The following CSGALNACT1 variants were observed in gnomAD, a reference collection of about 807,000 sequenced individuals.
CSGALNACT1 encodes the protein chondroitin sulfate N-acetylgalactosaminyltransferase 1.
CSGALNACT1 carries 52 observed loss-of-function variants against 51.0 expected under a neutral mutation model. The observed-to-expected ratio is 1.02, with a 90% CI of 0.82 to 1.29. The LOEUF is 1.29. CSGALNACT1 is among the 50% of genes most tolerant of loss of function. The pLI, the probability that CSGALNACT1 is intolerant of heterozygous loss-of-function variation, is 0.00. For synonymous variants in CSGALNACT1, 341 were observed against 254.4 expected, an observed-to-expected ratio of 1.34 and a Z score of -3.24; for missense variants, 935 against 679.2, an observed-to-expected ratio of 1.38 and a Z score of -4.19.
intron 1 of CSGALNACT1, among the ~76,000 whole-genome samples, chr8:19,714,383 C>T (rs1207937794): frequency 6.6e-6 from 1 of 151,804 alleles, no homozygotes; most frequent in Non-Finnish European, 1.5e-5. Flanking sequence ...CTGAGCCTCT[C>T]GGATCTGTAA....
chr8:19,555,788 A>C (rs1419724097), intron 3 of CSGALNACT1, among the ~76,000 whole-genome samples: 1 of 152,194 alleles, frequency 6.6e-6, no homozygotes, highest in South Asian at 2.1e-4. Flanking sequence ...CTGTGCCTAA[A>C]AATATAGCAT....
chr8:19,597,381 A>T (rs2049182553), intron 2 of CSGALNACT1, among the ~76,000 whole-genome samples: 2 of 136,582 alleles, frequency 1.5e-5, no homozygotes, highest in Non-Finnish European at 3.0e-5. Context: ...CTGCAGACTC[A>T]GTCTCCTGGG....
chr8:19,457,643 C>T (rs931133245), intron 5 of CSGALNACT1: 8 of 1,278,402 alleles, frequency 6.3e-6, no homozygotes, highest in Non-Finnish European at 8.2e-6. Flanking sequence ...TCAGCTTGAT[C>T]TTTCAAGATT....
intron 1 of CSGALNACT1, among the ~76,000 whole-genome samples, chr8:19,736,311 G>A (rs1466866620): frequency 6.6e-6 from 1 of 152,080 alleles, no homozygotes; most frequent in Non-Finnish European, 1.5e-5. Flanking sequence ...CGACAGACTT[G>A]AGTAGTTGTA....
intron 3 of CSGALNACT1, among the ~76,000 whole-genome samples, chr8:19,565,600 A>G (rs931395706): frequency 2.0e-5 from 3 of 152,200 alleles, no homozygotes; most frequent in Non-Finnish European, 4.4e-5. Flanking sequence ...GTACTACTGA[A>G]AACAGAGCAC....
chr8:19,650,433 G>A (rs1055198293), intron 1 of CSGALNACT1, among the ~76,000 whole-genome samples: 6 of 152,226 alleles, frequency 3.9e-5, no homozygotes, highest in African/African-American at 1.4e-4. Context: ...TTTCAAGAAT[G>A]AGAGAACACC....
exon 2 of CSGALNACT1, chr8:19,601,834 C>G (rs565730105): frequency 4.4e-6 from 2 of 453,970 alleles, no homozygotes; most frequent in Non-Finnish European, 4.4e-6. Context: ...GTCAAAATTA[C>G]CTTGGCGTCT....
chr8:19,478,704 A>ACC (rs34882882), intron 4 of CSGALNACT1, among the ~76,000 whole-genome samples: 11 of 151,460 alleles, frequency 7.3e-5, no homozygotes, highest in African/African-American at 2.7e-4. Context: ...AAAAATAATG[A>ACC]CCCCCCCTTT....
intron 6 of CSGALNACT1, among the ~76,000 whole-genome samples, chr8:19,436,185 G>T (rs2060346639): frequency 6.6e-6 from 1 of 152,212 alleles, no homozygotes; most frequent in East Asian, 1.9e-4. Context: ...TAAAGTACAT[G>T]CATTTAGCTG....
chr8:19,655,687 G>A (rs933457860), intron 1 of CSGALNACT1, among the ~76,000 whole-genome samples: 1 of 151,822 alleles, frequency 6.6e-6, no homozygotes, highest in African/African-American at 2.4e-5. Flanking sequence ...CAAAGTTCTG[G>A]GATTACAGGC....
intron 3 of CSGALNACT1, among the ~76,000 whole-genome samples, chr8:19,545,296 C>T (rs554904230): frequency 1.3e-5 from 2 of 152,104 alleles, no homozygotes; most frequent in African/African-American, 4.8e-5. Flanking sequence ...TGAATGAAAT[C>T]CCAGAAAAAT....
At chr8:19,609,416 T>C (rs1264473203) in intron 1 of CSGALNACT1, among the ~76,000 whole-genome samples, 1 of 150,820 alleles carries the variant, frequency 6.6e-6, no homozygotes, top group Non-Finnish European at 1.5e-5. Context: ...TAAATATTTT[T>C]AAATCATTTC....
intron 4 of CSGALNACT1, among the ~76,000 whole-genome samples, chr8:19,482,027 C>T (rs373499028): frequency 3.9e-5 from 6 of 152,160 alleles, no homozygotes; most frequent in African/African-American, 1.4e-4. Context: ...TTCACGTTAT[C>T]AGCTCTTTCC....
intron 3 of CSGALNACT1, among the ~76,000 whole-genome samples, chr8:19,568,189 T>C (rs1408853052): frequency 6.6e-6 from 1 of 152,224 alleles, no homozygotes; most frequent in East Asian, 1.9e-4. Flanking sequence ...AAACATCATA[T>C]ATTGTACTGA....
intron 1 of CSGALNACT1, among the ~76,000 whole-genome samples, chr8:19,667,017 A>AAGAGAGAGGAAGTG (rs2059386355): frequency 5.4e-5 from 2 of 36,702 alleles, no homozygotes; most frequent in Admixed American, 2.9e-4. Context: ...GAAAGAAAGA[A>AAGAGAGAGGAAGTG]AGGAAGGAAG....
intron 1 of CSGALNACT1, among the ~76,000 whole-genome samples, chr8:19,611,322 G>T (rs560809681): frequency 2.6e-5 from 4 of 152,206 alleles, no homozygotes; most frequent in African/African-American, 9.6e-5. Flanking sequence ...TTTTTTTAAG[G>T]TAGCTGGGAT....
chr8:19,491,223 A>G (rs2074292713), intron 4 of CSGALNACT1, among the ~76,000 whole-genome samples: 2 of 152,220 alleles, frequency 1.3e-5, no homozygotes, highest in Non-Finnish European at 2.9e-5. Flanking sequence ...TTTACTGAAT[A>G]AATGATTTTT....
At chr8:19,547,816 A>G (rs999509340) in intron 3 of CSGALNACT1, among the ~76,000 whole-genome samples, 4 of 152,218 alleles carry the variant, frequency 2.6e-5, no homozygotes, top group Non-Finnish European at 4.4e-5. Flanking sequence ...ACTAGCAAGT[A>G]ATACTGAGAA....
rs1013817595 is a variant in CSGALNACT1 at position 19,422,798 on chromosome 8, C to T, written c.954-2280G>A. On this transcript the variant is annotated intron_variant, in intron 6 of 9. Coordinates refer to ENST00000454498, the Ensembl canonical transcript of CSGALNACT1. ...TCAGGTCAACCCATTTTTCCCTTCCCGGTTTGGTCAGTTTCCAGGAAAGGT... is the reference window on the plus strand; with the variant it reads ...TCAGGTCAACCCATTTTTCCCTTCCTGGTTTGGTCAGTTTCCAGGAAAGGT... Among the ~76,000 whole-genome samples, 14 of 152,280 alleles carry T rather than the reference C, an allele frequency of 9.2e-5. No homozygotes were observed. In the East Asian group the frequency reaches 2.7e-3, roughly 29 times the overall value.
Sources: gnomAD v4.1 joint callset for allele counts (sites outside exome capture counted in the v4.1 genomes callset) on GRCh38, gnomAD v4.1.1 for gene constraint, MANE v1.5 for transcripts, NCBI Gene and HGNC (gene_info 2026-07-23, HGNC 2026-07-21) for gene names.